Variants in CCDC102B observed in about 807,000 individuals in gnomAD.
The protein encoded by CCDC102B is coiled-coil domain-containing protein 102B.
Under a neutral mutation model 57.4 loss-of-function variants are expected in CCDC102B, and 75 were observed. The ratio of observed to expected loss-of-function variants is 1.31; its 90% CI spans 1.08 to 1.58. The LOEUF (loss-of-function observed/expected upper bound fraction) is 1.58. Ranked by LOEUF, CCDC102B falls within the 40% of genes most tolerant of loss-of-function variation. The probability of loss-of-function intolerance (pLI) is 0.00; values close to 1 mark genes in which losing one functional copy is unlikely to be tolerated. For synonymous variants in CCDC102B, 206 were observed against 201.9 expected (o/e 1.02, Z -0.17); for missense variants, 636 against 582.6 (o/e 1.09, Z -0.94).
At chr18:68,849,994 G>A (rs910941285) in intron 4 of CCDC102B, among the ~76,000 whole-genome samples, 2 of 152,036 alleles carry the variant, frequency 1.3e-5, no homozygotes, top group African/African-American at 4.8e-5. Context: ...TAATTTATAT[G>A]GGCCAGGCTT....
At chr18:68,976,063 TA>T (rs2050428787) in intron 6 of CCDC102B, among the ~76,000 whole-genome samples, 1 of 152,032 alleles carries the variant, frequency 6.6e-6, no homozygotes, top group Admixed American at 6.6e-5. Context: ...TTTTCTCAGT[TA>T]AATAATATTT....
At chr18:69,053,946 T>A in intron 7 of CCDC102B, 84 bp from the exon 8 acceptor site, 1 of 1,069,252 alleles carries the variant, frequency 9.4e-7, no homozygotes. Context: ...TTTAAGAATA[T>A]GATAAGATGT....
At chr18:68,875,180 G>C (rs1429288461) in intron 5 of CCDC102B, among the ~76,000 whole-genome samples, 2 of 152,114 alleles carry the variant, frequency 1.3e-5, no homozygotes, top group Admixed American at 6.5e-5. Flanking sequence ...GCTAACAACA[G>C]TGAGAGATAA....
chr18:69,005,447 T>A (rs1319166763), intron 6 of CCDC102B, among the ~76,000 whole-genome samples: 1 of 152,116 alleles, frequency 6.6e-6, no homozygotes, highest in Non-Finnish European at 1.5e-5. Context: ...ATTAAAAAAT[T>A]TGAATGGATA....
Position 68,837,063 on chromosome 18 carries a change from C to CA in CCDC102B, c.302dup (p.Asn101LysfsTer8). The CA allele has an allele frequency of 6.8e-6, 11 of 1,614,060 alleles. No homozygotes were observed. The highest frequency in any genetic ancestry group is 9.3e-6 in the Non-Finnish European group (11 of 1,180,002). ...TGCGGTGGTGGTCGGACTGCACTGCCAACTGGAGAGAAAAATGGAGTAAAG... is the reference window on the plus strand; with the variant it reads ...TGCGGTGGTGGTCGGACTGCACTGCCAAACTGGAGAGAAAAATGGAGTAAAG... On this transcript the variant is annotated frameshift_variant, in exon 2 of 8. Coordinates refer to ENST00000360242, the MANE Select transcript of CCDC102B (RefSeq NM_024781.3). LOFTEE classifies it high-confidence loss of function.
At chr18:68,842,118 T>A (rs1033825411) in intron 3 of CCDC102B, among the ~76,000 whole-genome samples, 1 of 152,008 alleles carries the variant, frequency 6.6e-6, no homozygotes, top group African/African-American at 2.4e-5. Context: ...CTTAATGAGA[T>A]TTAAAATCCA....
intron 7 of CCDC102B, among the ~76,000 whole-genome samples, chr18:69,026,820 C>G (rs72959972): frequency 0.033 from 5,084 of 152,186 alleles, 158 homozygotes; most frequent in East Asian, 0.17. Context: ...GAAAATATAT[C>G]TATAGTCCCA....
chr18:68,989,536 A>G (rs651371), intron 6 of CCDC102B, among the ~76,000 whole-genome samples: 1,654 of 152,348 alleles, frequency 0.011, 42 homozygotes, highest in African/African-American at 0.038. Flanking sequence ...ACTGGATGTT[A>G]ACAATGGTCC....
At chr18:68,862,458 G>A (rs981236038) in intron 4 of CCDC102B, among the ~76,000 whole-genome samples, 21 of 152,084 alleles carry the variant, frequency 1.4e-4, no homozygotes, top group African/African-American at 5.1e-4. Flanking sequence ...AGACACAATA[G>A]GGATGTATTA....
At chr18:68,985,086 A>G (rs1232948480) in intron 6 of CCDC102B, among the ~76,000 whole-genome samples, 1 of 152,170 alleles carries the variant, frequency 6.6e-6, no homozygotes, top group East Asian at 1.9e-4. Context: ...AGAAGTCTAC[A>G]CAATTTGTAT....
At chr18:69,026,773 A>C (rs1286317328) in intron 7 of CCDC102B, among the ~76,000 whole-genome samples, 1 of 152,208 alleles carries the variant, frequency 6.6e-6, no homozygotes, top group Non-Finnish European at 1.5e-5. Flanking sequence ...TATGCTGGGT[A>C]TTCATCTCTT....
chr18:68,953,355 C>CTTTTTTT (rs5825890), intron 6 of CCDC102B, among the ~76,000 whole-genome samples: 3 of 125,532 alleles, frequency 2.4e-5, no homozygotes, highest in Admixed American at 8.2e-5. Flanking sequence ...CAATACTTGT[C>CTTTTTTT]TTTTTTTTTT....
At position 68,838,990 on chromosome 18, in the gene CCDC102B, A is replaced by G. The variant is rs752555590; in HGVS notation, c.827+64A>G. On this transcript the variant is annotated intron_variant, in intron 3 of 7. Coordinates refer to ENST00000360242, the MANE Select transcript of CCDC102B (RefSeq NM_024781.3). ...TTTCAAATCACTTAAAATTGTTAATACAGATAGATTGGTCATTTGATAATG... is the reference window on the plus strand; with the variant it reads ...TTTCAAATCACTTAAAATTGTTAATGCAGATAGATTGGTCATTTGATAATG... 4 of 1,259,060 alleles carry G rather than the reference A, an allele frequency of 3.2e-6. No individual in the cohort carries two copies. In the East Asian group the frequency reaches 9.7e-5, roughly 31 times the overall value. 78.0% of individuals were successfully genotyped at this position (1,259,060 alleles called of 1,614,324 possible).
chr18:68,913,522 C>T (rs545148011), intron 6 of CCDC102B, among the ~76,000 whole-genome samples: 8 of 151,898 alleles, frequency 5.3e-5, no homozygotes, highest in Non-Finnish European at 1.0e-4. Flanking sequence ...TGGCACAGGC[C>T]TGTACGGCTG....
intron 7 of CCDC102B, among the ~76,000 whole-genome samples, chr18:69,035,980 T>C (rs2052280633): frequency 6.6e-6 from 1 of 152,066 alleles, no homozygotes; most frequent in African/African-American, 2.4e-5. Flanking sequence ...TTGGAGCAGA[T>C]TGGCCAAAAA....
chr18:68,954,323 G>A (rs1486174708), intron 6 of CCDC102B, among the ~76,000 whole-genome samples: 1 of 152,142 alleles, frequency 6.6e-6, no homozygotes, highest in Admixed American at 6.6e-5. Flanking sequence ...GGGAGGCTTA[G>A]GCAGGAGAAT....
intron 2 of CCDC102B, among the ~76,000 whole-genome samples, chr18:68,771,797 T>C (rs1290519419): frequency 6.6e-6 from 1 of 151,382 alleles, no homozygotes; most frequent in Non-Finnish European, 1.5e-5. Flanking sequence ...AAAATCAAGG[T>C]CACTTAGAAG....
At chr18:68,877,228 A>G (rs923211389) in intron 5 of CCDC102B, among the ~76,000 whole-genome samples, 3 of 152,300 alleles carry the variant, frequency 2.0e-5, no homozygotes, top group Admixed American at 2.0e-4. Flanking sequence ...GAAGAGCTCA[A>G]TGACGATTGT....
chr18:69,055,893 C>T (rs770207133), downstream of CCDC102B, among the ~76,000 whole-genome samples: 16 of 152,168 alleles, frequency 1.1e-4, no homozygotes, highest in Middle Eastern at 3.4e-3. Flanking sequence ...TATACTCTCA[C>T]ATTATATCAT....
Sources: gnomAD v4.1 joint callset for allele counts (sites outside exome capture counted in the v4.1 genomes callset) on GRCh38, gnomAD v4.1.1 for gene constraint, MANE v1.5 for transcripts, NCBI Gene and HGNC (gene_info 2026-07-23, HGNC 2026-07-21) for gene names.